Variants in ZCCHC2 observed in about 807,000 individuals in gnomAD.
ZCCHC2 encodes the protein zinc finger CCHC domain-containing protein 2.
In ZCCHC2, 39 loss-of-function variants were observed where a neutral mutation model predicts 103.6. The ratio of observed to expected loss-of-function variants is 0.38; its 90% CI spans 0.29 to 0.49. The LOEUF is 0.49. ZCCHC2 is among the 20% of genes least tolerant of loss of function. ZCCHC2 has a pLI of 0.96. For synonymous variants in ZCCHC2, 687 were observed against 608.9 expected (o/e 1.13, Z -1.89); for missense variants, 1,483 against 1,491.0 (o/e 0.99, Z 0.09).
chr18:62,550,605 G>T (rs1915623846), intron 5 of ZCCHC2, 145 bp downstream of exon 5: 1 of 616,336 alleles, frequency 1.6e-6, no homozygotes, highest in African/African-American at 1.8e-5. Context: ...TGCTATTTAG[G>T]TCTAGGCTCA....
Position 62,523,646 on chromosome 18 carries a change from AGCG to A in ZCCHC2, c.230_232del (p.Ala77del). ...GACTCGGGCCGCCTGTTGCTGGTGG[AGCG>A]GCGGCGGGGGCGGGTATGCCGGGCG... is the stretch of plus-strand genomic sequence containing the variant. On this transcript the variant is annotated inframe_deletion, in exon 1 of 14. Transcript: ENST00000269499. The A allele has an allele frequency of 7.8e-7, 1 of 1,290,296 alleles. No individual in the cohort carries two copies. The allele number at this position is 1,290,296 out of a possible 1,614,324, so 79.9% of individuals were successfully genotyped here.
chr18:62,532,538 C>A (rs927183498), intron 1 of ZCCHC2, among the ~76,000 whole-genome samples: 1 of 152,204 alleles, frequency 6.6e-6, no homozygotes, highest in African/African-American at 2.4e-5. Flanking sequence ...GGCCTTTAGA[C>A]TCAAAATCTC....
At chr18:62,556,791 A>G (rs1393913600) in intron 6 of ZCCHC2, among the ~76,000 whole-genome samples, 1 of 151,834 alleles carries the variant, frequency 6.6e-6, no homozygotes, top group Non-Finnish European at 1.5e-5. Flanking sequence ...CCCTTTGTTT[A>G]CAGTTAGGCC....
At chr18:62,544,497 A>G (rs189651706) in intron 3 of ZCCHC2, among the ~76,000 whole-genome samples, 51 of 152,232 alleles carry the variant, frequency 3.4e-4, no homozygotes, top group Non-Finnish European at 5.0e-4. Context: ...TTAGAGTTCT[A>G]TAAGTTCATA....
chr18:62,583,621 C>T (rs975664068), intron 14 of ZCCHC2, among the ~76,000 whole-genome samples: 10 of 149,960 alleles, frequency 6.7e-5, no homozygotes, highest in Non-Finnish European at 1.2e-4. Flanking sequence ...GACAATAGTT[C>T]CACCCCATGA....
intron 4 of ZCCHC2, among the ~76,000 whole-genome samples, chr18:62,548,104 T>C (rs1915495567): frequency 6.6e-6 from 1 of 152,132 alleles, no homozygotes; most frequent in African/African-American, 2.4e-5. Context: ...AATAGCTAGG[T>C]ACAAAAACCT....
At chr18:62,527,026 C>CCCCCCCCCCCCG (rs56300716) in intron 1 of ZCCHC2, 1 of 36,520 alleles carries the variant, frequency 2.7e-5, no homozygotes, top group Non-Finnish European at 5.4e-5. Context: ...CCCCCCCCCC[C>CCCCCCCCCCCCG]CCCGAAAGTA....
chr18:62,557,524 GT>G (rs1915944825), intron 6 of ZCCHC2, among the ~76,000 whole-genome samples: 3 of 152,174 alleles, frequency 2.0e-5, no homozygotes, highest in African/African-American at 7.2e-5. Context: ...ATGACTCTTT[GT>G]GATTAGTTGA....
At chr18:62,539,079 T>TA (rs1915060975) in intron 1 of ZCCHC2, among the ~76,000 whole-genome samples, 1 of 152,190 alleles carries the variant, frequency 6.6e-6, no homozygotes, top group Admixed American at 6.5e-5. Context: ...TCACCTTTAT[T>TA]ACTCCAAGCA....
At chr18:62,558,656 A>G in intron 6 of ZCCHC2, 31 bp from the exon 7 acceptor site, 2 of 1,284,808 alleles carry the variant, frequency 1.6e-6, no homozygotes, top group Admixed American at 3.0e-5. Flanking sequence ...AATTTTCCTA[A>G]AAAGTTAATA....
chr18:62,535,566 C>G (rs763989633), intron 1 of ZCCHC2, among the ~76,000 whole-genome samples: 2 of 152,168 alleles, frequency 1.3e-5, no homozygotes, highest in African/African-American at 2.4e-5. Context: ...GATGGCATCC[C>G]TAGACCCCTC....
intron 11 of ZCCHC2, among the ~76,000 whole-genome samples, chr18:62,568,440 C>T (rs867670166): frequency 3.3e-5 from 5 of 152,098 alleles, no homozygotes; most frequent in Non-Finnish European, 5.9e-5. Context: ...TTCTGAAGTA[C>T]CTTCTGAATT....
At chr18:62,525,525 G>A (rs1372018147) in intron 1 of ZCCHC2, 4 of 152,074 alleles carry the variant, frequency 2.6e-5, no homozygotes, top group Admixed American at 1.3e-4. Flanking sequence ...TATATCTGCT[G>A]TCATTCAGTA....
At position 62,560,793 on chromosome 18, in the gene ZCCHC2, C is replaced by CT. The variant is rs772750253; in HGVS notation, c.1550+156dup. 2.0e-4 allele frequency: 129 copies of CT among 632,556 alleles called. 1 individual carries two copies. Among genetic ancestry groups the CT allele is most frequent in the Non-Finnish European group, 2.9e-4 (110 of 384,714 alleles). 39.2% of individuals were successfully genotyped at this position (632,556 alleles called of 1,614,324 possible). On this transcript the variant is annotated intron_variant, in intron 8 of 13. Transcript: ENST00000269499. ...TCACTTTTTCTGTTTCCTTTTCTCA[C>CT]TTTTTTTGCCTCCTTTTGGGTTGTT...
chr18:62,553,501 A>G (rs1915756259), intron 5 of ZCCHC2, among the ~76,000 whole-genome samples: 1 of 151,754 alleles, frequency 6.6e-6, no homozygotes, highest in Non-Finnish European at 1.5e-5. Context: ...TCTGTTGCCC[A>G]GGCTTATCTC....
chr18:62,555,099 C>T (rs1915829263), intron 5 of ZCCHC2, among the ~76,000 whole-genome samples: 1 of 152,148 alleles, frequency 6.6e-6, no homozygotes, highest in Non-Finnish European at 1.5e-5. Context: ...TCTGTGTGCA[C>T]TATTTGATTC....
At chr18:62,537,354 T>C (rs750683711) in intron 1 of ZCCHC2, among the ~76,000 whole-genome samples, 4 of 152,176 alleles carry the variant, frequency 2.6e-5, no homozygotes, top group Non-Finnish European at 5.9e-5. Context: ...AATTCTTTTG[T>C]AGCGATAGGA....
intron 7 of ZCCHC2, among the ~76,000 whole-genome samples, chr18:62,560,022 A>G (rs1916049691): frequency 2.6e-5 from 4 of 152,234 alleles, no homozygotes; most frequent in Admixed American, 2.6e-4. Flanking sequence ...TGTATATTGA[A>G]ACATGTAACA....
intron 8 of ZCCHC2, 80 bp from the exon 9 acceptor site, chr18:62,562,929 T>G (rs1463676383): frequency 1.3e-6 from 2 of 1,487,008 alleles, no homozygotes; most frequent in African/African-American, 2.8e-5. Flanking sequence ...AAGAAAGGGT[T>G]ACTGTAACTT....
Sources: allele counts gnomAD v4.1 joint callset (sites outside exome capture counted in the v4.1 genomes callset), GRCh38; gene constraint gnomAD v4.1.1; transcripts MANE v1.5; gene names NCBI Gene and HGNC (gene_info 2026-07-23, HGNC 2026-07-21).